The following TPPP variants were observed in gnomAD, a reference collection of about 807,000 sequenced individuals.
TPPP encodes the protein tubulin polymerization promoting protein, also known as tubulin polymerization-promoting protein.
A neutral mutation model predicts 15.5 loss-of-function variants in TPPP; 6 were observed. The observed-to-expected ratio is 0.39, with a 90% CI of 0.21 to 0.77. TPPP has a LOEUF of 0.77. TPPP is among the 30% of genes least tolerant of loss of function. The pLI, the probability that TPPP is intolerant of heterozygous loss-of-function variation, is 0.42. For synonymous variants in TPPP, 146 were observed against 133.9 expected (o/e 1.09, Z -0.63); for missense variants, 269 against 307.2 (o/e 0.88, Z 0.93).
chr5:685,975 C>T (rs59222854), intron 1 of TPPP, among the ~76,000 whole-genome samples: 123 of 152,318 alleles, frequency 8.1e-4, no homozygotes, highest in African/African-American at 2.7e-3. Flanking sequence ...AACTTTGCCA[C>T]CGAATGGCCA....
At chr5:675,270 AGCCCAGGGGGTTCAGT>A (rs1740376901) in intron 2 of TPPP, among the ~76,000 whole-genome samples, 1 of 74,066 alleles carries the variant, frequency 1.4e-5, no homozygotes, top group African/African-American at 6.4e-5. Context: ...CCGGGGGTGC[AGCCCAGGGGGTTCAGT>A]GTGGCCAGGG....
At chr5:671,756 C>T (rs1050172734) in intron 2 of TPPP, among the ~76,000 whole-genome samples, 18 of 152,224 alleles carry the variant, frequency 1.2e-4, no homozygotes, top group African/African-American at 4.1e-4. Flanking sequence ...CCCTGCCAGG[C>T]GTGGCCACTA....
intron 1 of TPPP, 128 bp downstream of exon 1, chr5:693,150 A>C (rs1740937825): frequency 4.2e-5 from 3 of 70,682 alleles, no homozygotes; most frequent in Non-Finnish European, 6.2e-5. Context: ...CGGTCCGGGA[A>C]GGGGGCTCGG....
At chr5:670,399 G>A (rs1370791274) in intron 2 of TPPP, among the ~76,000 whole-genome samples, 4 of 152,204 alleles carry the variant, frequency 2.6e-5, no homozygotes, top group African/African-American at 9.6e-5. Context: ...GGAAGCTGGG[G>A]GCTGTGGAGG....
chr5:663,314 G>A lies in TPPP; in HGVS notation c.*1788C>T, dbSNP rs1366521168. On this transcript the variant is annotated 3_prime_UTR_variant, in exon 4 of 4. Transcript: ENST00000360578. ...TCCAGCCAGGTTCAGCGGGGGCACA[G>A]GGCTGGGCTTGGGCACCCCCCGCCT... The A allele has an allele frequency of 6.6e-6, 1 of 152,464 alleles. No individual in the cohort carries two copies. The highest frequency in any genetic ancestry group is 2.4e-5 in the African/African-American group (1 of 41,476). The allele number at this position is 152,464 out of a possible 1,614,324, so 9.4% of individuals were successfully genotyped here.
chr5:686,728 CAGAG>C (rs1286069531), intron 1 of TPPP, among the ~76,000 whole-genome samples: 7 of 147,676 alleles, frequency 4.7e-5, no homozygotes, highest in South Asian at 2.3e-4. Flanking sequence ...AGAGAAGACA[CAGAG>C]AGAAGAGAAG....
intron 1 of TPPP, among the ~76,000 whole-genome samples, chr5:686,326 G>A (rs1740765189): frequency 1.3e-5 from 2 of 152,260 alleles, no homozygotes; most frequent in Admixed American, 6.5e-5. Flanking sequence ...CAGGTTAGAG[G>A]ACACAGCCGG....
chr5:669,679 C>CT (rs1740128922), intron 2 of TPPP, among the ~76,000 whole-genome samples: 2 of 152,068 alleles, frequency 1.3e-5, no homozygotes, highest in African/African-American at 4.8e-5. Context: ...GGCTGAGGGG[C>CT]TCCCCCATCA....
upstream of TPPP, among the ~76,000 whole-genome samples, chr5:693,767 G>T (rs1220967739): frequency 6.7e-5 from 10 of 149,924 alleles, no homozygotes; most frequent in African/African-American, 1.5e-4. Flanking sequence ...TCCTGGGGTG[G>T]GGTGGGTTGG....
At chr5:698,481 G>T in the TPPP span, among the ~76,000 whole-genome samples, 2 of 152,028 alleles carry the variant, frequency 1.3e-5, no homozygotes, top group South Asian at 2.1e-4. Flanking sequence ...ACAAAATGAG[G>T]TTTCATGGAC....
chr5:672,595 T>G (rs1055959816), intron 2 of TPPP, among the ~76,000 whole-genome samples: 26 of 152,168 alleles, frequency 1.7e-4, no homozygotes, highest in South Asian at 8.3e-4. Context: ...GCTGGTGGTG[T>G]TTGGTGCAGT....
upstream of TPPP, among the ~76,000 whole-genome samples, chr5:696,465 G>C (rs1414696599): frequency 6.8e-6 from 1 of 147,004 alleles, no homozygotes; most frequent in Non-Finnish European, 1.5e-5. Flanking sequence ...AGGCTGAGCA[G>C]CTTCTTTGGG....
rs941085508 is a variant in TPPP at position 662,319 on chromosome 5, C to T, written c.*2783G>A. On this transcript the variant is annotated 3_prime_UTR_variant, in exon 4 of 4. Coordinates refer to ENST00000360578, the MANE Select transcript of TPPP (RefSeq NM_007030.3). ...GCGGAGGCTCTTCTCGTGCTCAGGG[C>T]CGGTTTCTGGTGTGCTCCCGATGCG... 1 of 152,582 alleles carries T rather than the reference C, an allele frequency of 6.6e-6. No individual in the cohort carries two copies. The highest frequency in any genetic ancestry group is 2.4e-5 in the African/African-American group (1 of 41,452). 9.5% of individuals were successfully genotyped at this position (152,582 alleles called of 1,614,324 possible).
At chr5:679,733 G>C (rs1389531852) in intron 1 of TPPP, among the ~76,000 whole-genome samples, 2 of 152,050 alleles carry the variant, frequency 1.3e-5, no homozygotes, top group African/African-American at 2.4e-5. Context: ...CTGTGGGGAC[G>C]CGCCTGAACA....
At chr5:698,728 C>A in the TPPP span, among the ~76,000 whole-genome samples, 1 of 151,906 alleles carries the variant, frequency 6.6e-6, no homozygotes, top group Non-Finnish European at 1.5e-5. Flanking sequence ...ATTATGGGAG[C>A]TACAATTCAA....
rs1029008055 is a variant in TPPP, at chr5:661,561, T to C, written c.*3541A>G. 1.3e-5 allele frequency: 2 copies of C among 152,434 alleles called. No individual in the cohort carries two copies. The highest frequency in any genetic ancestry group is 2.9e-5 in the Non-Finnish European group (2 of 68,076). 9.4% of individuals were successfully genotyped at this position (152,434 alleles called of 1,614,324 possible). On this transcript the variant is annotated 3_prime_UTR_variant, in exon 4 of 4. Transcript: ENST00000360578. ...TTGAACCGTGGTTAGTAGAAGCTAA[T>C]TGGCAGTGCATAAAAACATGCAGAA... is the stretch of plus-strand genomic sequence containing the variant.
upstream of TPPP, chr5:693,466 C>CG (rs1233220985): frequency 6.8e-6 from 1 of 146,826 alleles, no homozygotes; most frequent in Non-Finnish European, 1.5e-5. Flanking sequence ...CGTCCCGCCC[C>CG]GCGCGCTCAT....
chr5:668,747 C>G (rs1415468483), intron 2 of TPPP, among the ~76,000 whole-genome samples: 1 of 152,264 alleles, frequency 6.6e-6, no homozygotes, highest in Non-Finnish European at 1.5e-5. Flanking sequence ...TACCACTGTT[C>G]TGCTCGTAGT....
At chr5:672,151 CAA>C in intron 2 of TPPP, among the ~76,000 whole-genome samples, 1 of 152,314 alleles carries the variant, frequency 6.6e-6, no homozygotes, top group South Asian at 2.1e-4. Flanking sequence ...GACTTTAGGA[CAA>C]AGTGTCCTAC....
Sources: allele counts gnomAD v4.1 joint callset (sites outside exome capture counted in the v4.1 genomes callset), GRCh38; gene constraint gnomAD v4.1.1; transcripts MANE v1.5; gene names NCBI Gene and HGNC (gene_info 2026-07-23, HGNC 2026-07-21).